The following SEMA5A variants were observed in gnomAD, a reference collection of about 807,000 sequenced individuals.
SEMA5A encodes semaphorin 5A, also known as semaphorin-5A.
SEMA5A carries 55 observed loss-of-function variants against 135.5 expected under a neutral mutation model. The ratio of observed to expected loss-of-function variants is 0.41; its 90% CI spans 0.33 to 0.51. The LOEUF (loss-of-function observed/expected upper bound fraction) is 0.51. SEMA5A is among the 20% of genes least tolerant of loss of function. SEMA5A has a pLI of 0.37. For missense variants in SEMA5A, 1,290 were observed against 1,419.9 expected, an observed-to-expected ratio of 0.91 and a Z score of 1.47; for synonymous variants, 580 against 546.5, an observed-to-expected ratio of 1.06 and a Z score of -0.85.
At chr5:9,059,361 A>G (rs1439098883) in intron 18 of SEMA5A, among the ~76,000 whole-genome samples, 1 of 152,132 alleles carries the variant, frequency 6.6e-6, no homozygotes, top group Non-Finnish European at 1.5e-5. Context: ...ATAATTAGCT[A>G]TTTCTCAATG....
chr5:9,124,407 C>G (rs1740994031), intron 13 of SEMA5A, among the ~76,000 whole-genome samples: 1 of 152,146 alleles, frequency 6.6e-6, no homozygotes, highest in African/African-American at 2.4e-5. Context: ...GCAAACAGAG[C>G]TCTCCTCAGA....
chr5:9,462,741 C>T (rs1278922858), intron 1 of SEMA5A, among the ~76,000 whole-genome samples: 1 of 151,928 alleles, frequency 6.6e-6, no homozygotes, highest in Non-Finnish European at 1.5e-5. Flanking sequence ...AACCAAATAC[C>T]GCATTTTCTC....
chr5:9,387,590 G>T (rs1443795549), intron 2 of SEMA5A, among the ~76,000 whole-genome samples: 5 of 152,186 alleles, frequency 3.3e-5, no homozygotes, highest in Non-Finnish European at 7.4e-5. Context: ...CAATCCAGGA[G>T]AATCAAAGCC....
chr5:9,249,147 T>C (rs565979764), intron 5 of SEMA5A, among the ~76,000 whole-genome samples: 24 of 152,328 alleles, frequency 1.6e-4, no homozygotes, highest in African/African-American at 5.5e-4. Context: ...CATGGGATTA[T>C]TTTGAGCTGA....
chr5:9,066,207 ATAGTAT>A (rs1737455781), intron 17 of SEMA5A, among the ~76,000 whole-genome samples: 2 of 152,220 alleles, frequency 1.3e-5, no homozygotes, highest in African/African-American at 2.4e-5. Flanking sequence ...GCCTGATTTC[ATAGTAT>A]CACTTCAATA....
At chr5:9,117,342 T>C (rs1426530128) in intron 15 of SEMA5A, among the ~76,000 whole-genome samples, 1 of 152,232 alleles carries the variant, frequency 6.6e-6, no homozygotes, top group East Asian at 1.9e-4. Flanking sequence ...TTTGTACAGA[T>C]GGAAGTGACT....
At chr5:9,058,915 A>C (rs1240284316) in intron 18 of SEMA5A, among the ~76,000 whole-genome samples, 2 of 152,192 alleles carry the variant, frequency 1.3e-5, no homozygotes, top group Non-Finnish European at 2.9e-5. Context: ...TCCACTTCAA[A>C]GTATGGACTC....
At chr5:9,372,579 A>G (rs1278154012) in intron 3 of SEMA5A, among the ~76,000 whole-genome samples, 1 of 151,994 alleles carries the variant, frequency 6.6e-6, no homozygotes, top group Non-Finnish European at 1.5e-5. Flanking sequence ...TGGGACACAC[A>G]TGGAACCATA....
At chr5:9,486,160 A>G (rs545485182) in intron 1 of SEMA5A, among the ~76,000 whole-genome samples, 199 of 152,236 alleles carry the variant, frequency 1.3e-3, no homozygotes, top group African/African-American at 4.7e-3. Context: ...CTCAACAAAC[A>G]AACACAGGAA....
At chr5:9,306,989 T>C (rs1226217085) in intron 5 of SEMA5A, among the ~76,000 whole-genome samples, 2 of 152,244 alleles carry the variant, frequency 1.3e-5, no homozygotes, top group Non-Finnish European at 2.9e-5. Flanking sequence ...AAATTACATG[T>C]ATAGTCATGC....
At chr5:9,515,485 T>C (rs954563103) in intron 1 of SEMA5A, among the ~76,000 whole-genome samples, 10 of 152,142 alleles carry the variant, frequency 6.6e-5, no homozygotes, top group Admixed American at 6.5e-5. Flanking sequence ...AAAATGCATG[T>C]GTAATATGGT....
intron 1 of SEMA5A, chr5:9,517,255 C>A (rs560239942): frequency 1.3e-5 from 2 of 152,292 alleles, no homozygotes; most frequent in South Asian, 4.1e-4. Context: ...TTCTAAAGAA[C>A]CATAAATTAA....
At chr5:9,357,840 C>T (rs1754519800) in intron 3 of SEMA5A, among the ~76,000 whole-genome samples, 1 of 152,210 alleles carries the variant, frequency 6.6e-6, no homozygotes, top group Non-Finnish European at 1.5e-5. Flanking sequence ...ACTTACTTAG[C>T]TCCACGTCAT....
intron 3 of SEMA5A, among the ~76,000 whole-genome samples, chr5:9,346,109 A>G (rs943321883): frequency 2.6e-5 from 4 of 152,090 alleles, no homozygotes; most frequent in Non-Finnish European, 4.4e-5. Context: ...TCCTGTGCCT[A>G]TAAAGACCCC....
At chr5:9,054,366 G>A (rs1736773055) in intron 18 of SEMA5A, 109 bp from the exon 19 acceptor site, 12 of 1,378,714 alleles carry the variant, frequency 8.7e-6, no homozygotes, top group Non-Finnish European at 4.9e-6. Flanking sequence ...GAAACAAAAT[G>A]GAATCTGCAC....
At position 9,278,901 on chromosome 5, in the gene SEMA5A, G is replaced by A. The variant is rs1015815652; in HGVS notation, c.270+39471C>T. ...TGTCCAGGCAGAAGTCTGCTGCAGG[G>A]GTGGACCCCTCATGGGGAACCTACA... On this transcript the variant is annotated intron_variant, in intron 5 of 22. Coordinates refer to ENST00000382496, the MANE Select transcript of SEMA5A (RefSeq NM_003966.3). Among the ~76,000 whole-genome samples the A allele has an allele frequency of 3.3e-5, 5 of 152,364 alleles. No individual in the cohort carries two copies. In the South Asian group the frequency reaches 6.2e-4, roughly 19 times the overall value.
chr5:9,086,530 G>A (rs1408301783), intron 16 of SEMA5A, among the ~76,000 whole-genome samples: 1 of 152,176 alleles, frequency 6.6e-6, no homozygotes, highest in Non-Finnish European at 1.5e-5. Context: ...CTTCCACCAT[G>A]ATTGTGATGC....
At chr5:9,195,609 G>T (rs1344355412) in intron 10 of SEMA5A, among the ~76,000 whole-genome samples, 1 of 152,196 alleles carries the variant, frequency 6.6e-6, no homozygotes, top group Non-Finnish European at 1.5e-5. Context: ...CAATAAAGAT[G>T]CATAATAGAT....
rs763973269 is a variant in SEMA5A at position 9,036,222 on chromosome 5, G to A, written c.*6675C>T. 5 of 152,184 alleles carry A rather than the reference G, an allele frequency of 3.3e-5. No homozygotes were observed. The highest frequency in any genetic ancestry group is 5.9e-5 in the Non-Finnish European group (4 of 68,038). 9.4% of individuals were successfully genotyped at this position (152,184 alleles called of 1,614,324 possible). A position where few individuals can be genotyped will look rare whatever the true frequency, so the allele number is the denominator to read the frequency against. Reference sequence around the variant, plus strand: ...GATTCATACTGTGCTTTGTTTCAAAGTGCAGAGGTTCAGCTTGCTTTTGGC... The same window carrying A: ...GATTCATACTGTGCTTTGTTTCAAAATGCAGAGGTTCAGCTTGCTTTTGGC... On this transcript the variant is annotated 3_prime_UTR_variant, in exon 23 of 23. Transcript: ENST00000382496.
Sources: gnomAD v4.1 joint callset for allele counts (sites outside exome capture counted in the v4.1 genomes callset) on GRCh38, gnomAD v4.1.1 for gene constraint, MANE v1.5 for transcripts, NCBI Gene and HGNC (gene_info 2026-07-23, HGNC 2026-07-21) for gene names.